NFAT5: variants seen among roughly 807,000 people sequenced by gnomAD.
NFAT5 encodes nuclear factor of activated T cells 5, also known as nuclear factor of activated T-cells 5.
NFAT5 carries 31 observed loss-of-function variants against 166.5 expected under a neutral mutation model. The observed-to-expected ratio is 0.19, with a 90% CI of 0.14 to 0.25. The LOEUF is 0.25. Ranked by LOEUF, NFAT5 falls within the 10% of genes least tolerant of loss-of-function variation. NFAT5 has a pLI of 1.00. For synonymous variants in NFAT5, 612 were observed against 639.7 expected (o/e 0.96, Z 0.65); for missense variants, 1,449 against 1,821.8 (o/e 0.80, Z 3.72).
rs2037861132 is a variant in NFAT5 at position 69,699,640 on chromosome 16, C to G, written c.*3289C>G. On this transcript the variant is annotated 3_prime_UTR_variant, in exon 15 of 15. Coordinates refer to ENST00000349945, the MANE Select transcript of NFAT5 (RefSeq NM_138713.4). ...TCCTGATTACTGTTACAAGTTATAG[C>G]TACATATGGGAGAGACTCAGTGAGC... The G allele has an allele frequency of 6.6e-6, 1 of 152,522 alleles. No individual in the cohort carries two copies. Among genetic ancestry groups the G allele is most frequent in the Non-Finnish European group, 1.5e-5 (1 of 68,026 alleles). The allele number at this position is 152,522 out of a possible 1,614,324, so 9.4% of individuals were successfully genotyped here. A position where few individuals can be genotyped will look rare whatever the true frequency, so the allele number is the denominator to read the frequency against.
intron 3 of NFAT5, among the ~76,000 whole-genome samples, chr16:69,640,984 A>G (rs1395528892): frequency 6.7e-6 from 1 of 149,938 alleles, no homozygotes; most frequent in Non-Finnish European, 1.5e-5. Context: ...TCCATCTCAA[A>G]AGAAAAAAAA....
chr16:69,634,712 C>A (rs759659219), intron 3 of NFAT5, among the ~76,000 whole-genome samples: 6 of 152,168 alleles, frequency 3.9e-5, no homozygotes, highest in Non-Finnish European at 5.9e-5. Context: ...AACACACACA[C>A]AACATGTACA....
At chr16:69,675,468 G>A (rs77279441) in intron 9 of NFAT5, among the ~76,000 whole-genome samples, 5,454 of 152,144 alleles carry the variant, frequency 0.036, 146 homozygotes, top group East Asian at 0.12. Context: ...ATACCAGTGC[G>A]TTTTTTATGA....
intron 6 of NFAT5, 44 bp downstream of exon 6, chr16:69,655,843 T>A (rs377286291): frequency 1.3e-4 from 182 of 1,452,814 alleles, no homozygotes; most frequent in Non-Finnish European, 1.7e-4. Context: ...TACACTCTTG[T>A]GTTAGGCAGA....
intron 5 of NFAT5, 89 bp downstream of exon 5, chr16:69,653,517 G>GA: frequency 3.9e-6 from 3 of 761,744 alleles, no homozygotes; most frequent in Non-Finnish European, 5.8e-6. Context: ...TTCAAATCAT[G>GA]AATTTTCTTC....
intron 2 of NFAT5, among the ~76,000 whole-genome samples, chr16:69,596,138 T>A (rs79883259): frequency 0.012 from 1,752 of 152,242 alleles, 23 homozygotes; most frequent in African/African-American, 0.037. Context: ...ATTTACCAGA[T>A]GAGTTGATTT....
chr16:69,654,526 A>G (rs970159535), intron 5 of NFAT5, among the ~76,000 whole-genome samples: 2 of 152,210 alleles, frequency 1.3e-5, no homozygotes, highest in African/African-American at 4.8e-5. Flanking sequence ...TGCTTTGTGT[A>G]AATATTTGTC....
At chr16:69,696,139 T>G (rs866513516) in intron 14 of NFAT5, among the ~76,000 whole-genome samples, 1 of 152,254 alleles carries the variant, frequency 6.6e-6, no homozygotes, top group African/African-American at 2.4e-5. Context: ...CTGATGAGTA[T>G]GCAAAATGTG....
intron 7 of NFAT5, among the ~76,000 whole-genome samples, chr16:69,667,497 A>G (rs868007355): frequency 0.013 from 1,951 of 148,332 alleles, 41 homozygotes; most frequent in African/African-American, 0.046. Flanking sequence ...CAGAAACTAA[A>G]AAAAAAAAAA....
intron 7 of NFAT5, among the ~76,000 whole-genome samples, chr16:69,668,400 C>T (rs573735899): frequency 2.0e-5 from 3 of 152,198 alleles, no homozygotes; most frequent in East Asian, 3.9e-4. Flanking sequence ...GCTTAGGACC[C>T]GAAGTGTTTC....
At chr16:69,655,006 T>A (rs2035821275) in intron 5 of NFAT5, among the ~76,000 whole-genome samples, 1 of 152,208 alleles carries the variant, frequency 6.6e-6, no homozygotes, top group Admixed American at 6.5e-5. Flanking sequence ...ATAATTTAAT[T>A]TATGAAGGCT....
chr16:69,619,765 G>A (rs773775416), intron 2 of NFAT5, among the ~76,000 whole-genome samples: 2 of 152,202 alleles, frequency 1.3e-5, no homozygotes, highest in Non-Finnish European at 2.9e-5. Flanking sequence ...CAGTAAAGCA[G>A]TAGAGAAGGG....
chr16:69,608,718 C>T (rs940810108), intron 2 of NFAT5, among the ~76,000 whole-genome samples: 1 of 151,228 alleles, frequency 6.6e-6, no homozygotes. Context: ...GGGTTCACGC[C>T]ATTCTCCTGC....
At chr16:69,678,368 C>T (rs1384294700) in intron 10 of NFAT5, among the ~76,000 whole-genome samples, 2 of 151,740 alleles carry the variant, frequency 1.3e-5, no homozygotes, top group African/African-American at 2.4e-5. Context: ...GTGTACACCA[C>T]CACGCCCAGC....
chr16:69,686,242 A>C (rs754053033), intron 11 of NFAT5, among the ~76,000 whole-genome samples: 31 of 151,568 alleles, frequency 2.0e-4, no homozygotes, highest in Non-Finnish European at 2.9e-4. Flanking sequence ...AATCCCAGCT[A>C]CTCTGGAGGC....
chr16:69,602,779 G>GTT (rs1295362903), intron 2 of NFAT5, among the ~76,000 whole-genome samples: 19 of 136,374 alleles, frequency 1.4e-4, no homozygotes, highest in Admixed American at 1.3e-3. Flanking sequence ...TAATTTTTTT[G>GTT]TTTTTTTTTT....
At position 69,648,608 on chromosome 16, in the gene NFAT5, C is replaced by T. The variant is rs551897285; in HGVS notation, c.812+1022C>T. On this transcript the variant is annotated intron_variant, in intron 4 of 14. Transcript: ENST00000349945. ...TAGCTATGTTACAGAATATTCACTG[C>T]TATAATGCAGACTAGTATGACTTTT... 23 of 983,442 alleles carry T rather than the reference C, an allele frequency of 2.3e-5. No individual in the cohort carries two copies. The African/African-American group carries it at 3.8e-4, about 16-fold the overall frequency. The allele number at this position is 983,442 out of a possible 1,614,324, so 60.9% of individuals were successfully genotyped here. A position where few individuals can be genotyped will look rare whatever the true frequency, so the allele number is the denominator to read the frequency against.
At chr16:69,577,671 C>T (rs1052957019) in intron 2 of NFAT5, among the ~76,000 whole-genome samples, 1 of 152,062 alleles carries the variant, frequency 6.6e-6, no homozygotes, top group African/African-American at 2.4e-5. Flanking sequence ...CCAAAAGTAG[C>T]TTTACGGAAT....
intron 10 of NFAT5, among the ~76,000 whole-genome samples, chr16:69,680,534 G>A (rs906651405): frequency 1.3e-5 from 2 of 152,060 alleles, no homozygotes; most frequent in African/African-American, 4.8e-5. Context: ...TATACTAATT[G>A]CCTAATTTTG....
Sources: gnomAD v4.1 joint callset for allele counts (sites outside exome capture counted in the v4.1 genomes callset) on GRCh38, gnomAD v4.1.1 for gene constraint, MANE v1.5 for transcripts, NCBI Gene and HGNC (gene_info 2026-07-23, HGNC 2026-07-21) for gene names.